AMPH: variants seen among roughly 807,000 people sequenced by gnomAD.
AMPH encodes the protein amphiphysin.
In AMPH, 49 loss-of-function variants were observed where a neutral mutation model predicts 99.1. That is an observed-to-expected ratio of 0.49 (90% CI 0.39 to 0.63). The LOEUF is 0.63. AMPH is among the 20% of genes least tolerant of loss of function. The pLI, the probability that AMPH is intolerant of heterozygous loss-of-function variation, is 0.00. For missense variants in AMPH, 759 were observed against 863.4 expected, an observed-to-expected ratio of 0.88 and a Z score of 1.52; for synonymous variants, 314 against 317.3, an observed-to-expected ratio of 0.99 and a Z score of 0.11.
At chr7:38,620,500 T>C (rs1794018807) in intron 1 of AMPH, among the ~76,000 whole-genome samples, 1 of 149,416 alleles carries the variant, frequency 6.7e-6, no homozygotes, top group Admixed American at 6.7e-5. Context: ...TGGGAGATCC[T>C]CCCAAGGTTT....
At chr7:38,557,321 C>A (rs986595835) in intron 1 of AMPH, among the ~76,000 whole-genome samples, 2 of 152,198 alleles carry the variant, frequency 1.3e-5, no homozygotes, top group Non-Finnish European at 2.9e-5. Flanking sequence ...CCACCCAAAT[C>A]TCATCTTGAA....
At chr7:38,628,250 T>C (rs1794326517) in intron 1 of AMPH, among the ~76,000 whole-genome samples, 1 of 152,216 alleles carries the variant, frequency 6.6e-6, no homozygotes, top group African/African-American at 2.4e-5. Flanking sequence ...TCCAATGACA[T>C]AGCTAAACAT....
intron 1 of AMPH, among the ~76,000 whole-genome samples, chr7:38,571,400 T>C (rs1164243701): frequency 1.2e-5 from 1 of 82,138 alleles, no homozygotes; most frequent in Non-Finnish European, 2.3e-5. Flanking sequence ...ATATTCTATA[T>C]ATATAGAATA....
rs552795146 is a variant in AMPH, at chr7:38,560,464, G to C, written c.70-25453C>G. On this transcript the variant is annotated intron_variant, in intron 1 of 20. Transcript: ENST00000356264. ...TTGAGAGAAATGATAAACATTTGTT[G>C]TTTTCAGCCACTAAGTTTTGGGATG... Among the ~76,000 whole-genome samples the C allele has an allele frequency of 5.3e-5, 8 of 152,324 alleles. No homozygotes were observed. In the South Asian group the frequency reaches 1.7e-3, roughly 32 times the overall value.
At chr7:38,454,336 TAGTG>T (rs2129004721) in intron 11 of AMPH, among the ~76,000 whole-genome samples, 1 of 152,334 alleles carries the variant, frequency 6.6e-6, no homozygotes, top group South Asian at 2.1e-4. Flanking sequence ...ACGCATAGTG[TAGTG>T]ATTGATGTAC....
At position 38,606,519 on chromosome 7, in the gene AMPH, GT is replaced by G. The variant is rs555291508; in HGVS notation, c.69+24763del. ...GGTGACCACTCCTTTCACTTAGCAT[GT>G]TTTCTACATTCATCCATACTGTGGC... On this transcript the variant is annotated intron_variant, in intron 1 of 20. Coordinates refer to ENST00000356264, the MANE Select transcript of AMPH (RefSeq NM_001635.4). 2.8e-3 allele frequency among the ~76,000 whole-genome samples: 409 copies of G among 144,674 alleles called. 2 individuals carry two copies. Among genetic ancestry groups the G allele is most frequent in the African/African-American group, 9.9e-3 (387 of 38,952 alleles). The allele number at this position is 144,674 out of a possible 152,430, so 94.9% of individuals were successfully genotyped here.
At chr7:38,456,304 C>A (rs373479068) in intron 11 of AMPH, among the ~76,000 whole-genome samples, 3 of 152,196 alleles carry the variant, frequency 2.0e-5, no homozygotes, top group African/African-American at 4.8e-5. Context: ...ATAGCAGGTC[C>A]GCAGGGCAGT....
chr7:38,535,920 T>C (rs900636912), intron 1 of AMPH, among the ~76,000 whole-genome samples: 1 of 152,152 alleles, frequency 6.6e-6, no homozygotes, highest in African/African-American at 2.4e-5. Flanking sequence ...GGCCCAGGGT[T>C]TGGGGACCCT....
chr7:38,499,791 C>G (rs1202913144), intron 3 of AMPH, among the ~76,000 whole-genome samples: 1 of 152,164 alleles, frequency 6.6e-6, no homozygotes, highest in Non-Finnish European at 1.5e-5. Context: ...GTGGGAGGGA[C>G]CTGGTGGGAA....
chr7:38,553,225 G>T (rs553139584), intron 1 of AMPH, among the ~76,000 whole-genome samples: 1 of 152,204 alleles, frequency 6.6e-6, no homozygotes, highest in Admixed American at 6.5e-5. Context: ...TATTGTTACT[G>T]GTCTTTGGGG....
At chr7:38,406,284 A>C (rs1016141531) in intron 17 of AMPH, among the ~76,000 whole-genome samples, 1 of 152,202 alleles carries the variant, frequency 6.6e-6, no homozygotes, top group Non-Finnish European at 1.5e-5. Context: ...CAAATTAACA[A>C]TCTAACGTCA....
chr7:38,562,687 T>G (rs1791597895), intron 1 of AMPH, among the ~76,000 whole-genome samples: 2 of 147,634 alleles, frequency 1.4e-5, no homozygotes, highest in East Asian at 2.0e-4. Context: ...AGGAGAGGGG[T>G]ATGGAGAAAA....
At chr7:38,598,110 T>A (rs2129060411) in intron 1 of AMPH, among the ~76,000 whole-genome samples, 1 of 152,380 alleles carries the variant, frequency 6.6e-6, no homozygotes, top group Admixed American at 6.5e-5. Flanking sequence ...CTTTATGTTT[T>A]AACTTTCCAT....
intron 1 of AMPH, among the ~76,000 whole-genome samples, chr7:38,565,577 T>A (rs547495979): frequency 6.6e-6 from 1 of 152,186 alleles, no homozygotes; most frequent in African/African-American, 2.4e-5. Flanking sequence ...TTAGTGCCCA[T>A]CCTAATGACC....
intron 1 of AMPH, among the ~76,000 whole-genome samples, chr7:38,578,056 G>A (rs754845839): frequency 6.6e-6 from 1 of 152,178 alleles, no homozygotes; most frequent in Non-Finnish European, 1.5e-5. Context: ...CAGAGATTGG[G>A]CTGAAATCAG....
At chr7:38,554,485 G>A (rs182511168) in intron 1 of AMPH, among the ~76,000 whole-genome samples, 1 of 151,958 alleles carries the variant, frequency 6.6e-6, no homozygotes, top group Non-Finnish European at 1.5e-5. Flanking sequence ...CTATAAATAT[G>A]CTTTAAAAAA....
At chr7:38,476,992 C>T (rs765921566) in intron 5 of AMPH, 23 bp from the exon 6 acceptor site, 3 of 1,605,920 alleles carry the variant, frequency 1.9e-6, no homozygotes, top group African/African-American at 2.7e-5. Context: ...AATGCACTCA[C>T]TAAGAAAGAA....
intron 2 of AMPH, among the ~76,000 whole-genome samples, chr7:38,516,577 C>T (rs781775023): frequency 2.6e-5 from 4 of 152,238 alleles, no homozygotes; most frequent in Non-Finnish European, 5.9e-5. Context: ...CATGGAGAAC[C>T]TCTACTAGGG....
At chr7:38,496,301 T>C (rs1788930406) in intron 3 of AMPH, among the ~76,000 whole-genome samples, 1 of 152,214 alleles carries the variant, frequency 6.6e-6, no homozygotes, top group South Asian at 2.1e-4. Context: ...TTGAGGAGTA[T>C]GTATAAAAGT....
Sources: gnomAD v4.1 joint callset for allele counts (sites outside exome capture counted in the v4.1 genomes callset) on GRCh38, gnomAD v4.1.1 for gene constraint, MANE v1.5 for transcripts, NCBI Gene and HGNC (gene_info 2026-07-23, HGNC 2026-07-21) for gene names.